The following CELF2 variants were observed in gnomAD, a reference collection of about 807,000 sequenced individuals.
CELF2 encodes the protein CUGBP Elav-like family member 2.
A neutral mutation model predicts 62.6 loss-of-function variants in CELF2; 8 were observed. The observed-to-expected ratio is 0.13, with a 90% CI of 0.07 to 0.23. The LOEUF is 0.23. CELF2 is among the 10% of genes least tolerant of loss of function. The probability of loss-of-function intolerance (pLI) is 1.00; values close to 1 mark genes in which losing one functional copy is unlikely to be tolerated. For missense variants in CELF2, 333 were observed against 671.0 expected, an observed-to-expected ratio of 0.50 and a Z score of 5.56; for synonymous variants, 258 against 250.0, an observed-to-expected ratio of 1.03 and a Z score of -0.30.
chr10:10,977,809 G>A (rs945716010), intron 2 of CELF2, among the ~76,000 whole-genome samples: 3 of 152,210 alleles, frequency 2.0e-5, no homozygotes, highest in Non-Finnish European at 4.4e-5. Context: ...CTTCACAGCT[G>A]TGTGGTTCTG....
intron 10 of CELF2, chr10:11,320,972 G>T: frequency 6.7e-7 from 1 of 1,496,868 alleles, no homozygotes. Context: ...TTGAATCACT[G>T]GCCTAGGGAG....
intron 1 of CELF2, among the ~76,000 whole-genome samples, chr10:10,826,178 A>C (rs1191940896): frequency 6.6e-6 from 1 of 152,220 alleles, no homozygotes; most frequent in Non-Finnish European, 1.5e-5. Context: ...GGGCAAAAAA[A>C]AAACAATCCT....
chr10:10,924,188 A>G (rs2065206016), intron 2 of CELF2: 1 of 144,314 alleles, frequency 6.9e-6, no homozygotes, highest in African/African-American at 2.5e-5. Flanking sequence ...AGGCTGAGGC[A>G]GGAGAATGGC....
At chr10:10,762,821 C>G in the CELF2 span, among the ~76,000 whole-genome samples, 2 of 152,152 alleles carry the variant, frequency 1.3e-5, no homozygotes, top group Admixed American at 1.3e-4. Flanking sequence ...GCAGGGGGAC[C>G]ACTTGAGCCC....
At chr10:10,965,393 A>T (rs1248127773) in intron 2 of CELF2, among the ~76,000 whole-genome samples, 1 of 152,160 alleles carries the variant, frequency 6.6e-6, no homozygotes, top group Non-Finnish European at 1.5e-5. Context: ...AAACAGCTTT[A>T]ATTGATCTGT....
At chr10:11,064,732 A>G (rs921616306) in intron 1 of CELF2, among the ~76,000 whole-genome samples, 3 of 152,186 alleles carry the variant, frequency 2.0e-5, no homozygotes, top group African/African-American at 7.2e-5. Context: ...CAGGAATAAA[A>G]GGCACATTCA....
chr10:10,693,590 C>T, the CELF2 span, among the ~76,000 whole-genome samples: 1 of 151,072 alleles, frequency 6.6e-6, no homozygotes, highest in African/African-American at 2.4e-5. Context: ...GGAATGGTAC[C>T]AGTTCCTCCT....
the CELF2 span, among the ~76,000 whole-genome samples, chr10:10,663,174 C>T: frequency 6.6e-6 from 1 of 152,178 alleles, no homozygotes; most frequent in East Asian, 1.9e-4. Context: ...CGTGCAGCAG[C>T]TGCTGTGTAC....
chr10:11,177,388 G>T lies in CELF2; in HGVS notation c.271+11706G>T, dbSNP rs2071587589. Among the ~76,000 whole-genome samples the T allele has an allele frequency of 6.7e-6, 1 of 149,720 alleles. No homozygotes were observed. The highest frequency in any genetic ancestry group is 6.7e-5 in the Admixed American group (1 of 14,952). ...TCAGGTTAGCTTACCTTGGGTGTTT[G>T]TATTTTGTTGGCTTATGTTTGCATG... On this transcript the variant is annotated intron_variant, in intron 2 of 12. Transcript: ENST00000633077. This position sits in a 1 kb window ranked among gnomAD's most constrained non-coding sequence, Gnocchi z 4.8.
the CELF2 span, among the ~76,000 whole-genome samples, chr10:10,558,836 G>T: frequency 6.6e-6 from 1 of 152,138 alleles, no homozygotes; most frequent in South Asian, 2.1e-4. Context: ...GGGGTTTATA[G>T]TATTCTCTGA....
At chr10:11,003,586 G>A (rs2054737893), upstream of CELF2, among the ~76,000 whole-genome samples, 1 of 151,964 alleles carries the variant, frequency 6.6e-6, no homozygotes, top group African/African-American at 2.4e-5. This position sits in a 1 kb window ranked among gnomAD's most constrained non-coding sequence, Gnocchi z 4.4. Context: ...AGCATTTGTT[G>A]CCCCCATTTA....
At chr10:10,953,205 G>A (rs1300549199) in intron 2 of CELF2, among the ~76,000 whole-genome samples, 1 of 152,142 alleles carries the variant, frequency 6.6e-6, no homozygotes, top group East Asian at 1.9e-4. Context: ...GAAAATCAAG[G>A]AGATAGGATG....
chr10:11,012,390 T>C lies in CELF2; in HGVS notation c.53+6950T>C, dbSNP rs2056606519. Among the ~76,000 whole-genome samples the C allele has an allele frequency of 6.6e-6, 1 of 152,194 alleles. No individual in the cohort carries two copies. The highest frequency in any genetic ancestry group is 1.5e-5 in the Non-Finnish European group (1 of 68,038). ...CTTAATCCTCACTCTTTTTTCAAGA[T>C]GTATTTGTTCAGAAAAAGGACAGAC... On this transcript the variant is annotated intron_variant, in intron 1 of 12. Coordinates refer to the CELF2 transcript ENST00000416382. The surrounding 1 kb of genome is among the most constrained non-coding windows in gnomAD (Gnocchi z 5.5).
chr10:11,041,627 G>A (rs2061868309), intron 1 of CELF2, among the ~76,000 whole-genome samples: 1 of 152,324 alleles, frequency 6.6e-6, no homozygotes, highest in South Asian at 2.1e-4. Context: ...CTCATTCGTA[G>A]TTTCTGATGA....
chr10:10,841,297 C>T (rs1245101434), intron 1 of CELF2, among the ~76,000 whole-genome samples: 1 of 149,016 alleles, frequency 6.7e-6, no homozygotes, highest in Non-Finnish European at 1.5e-5. Flanking sequence ...CTAAAAGGTC[C>T]AAATTGTCAA....
chr10:10,765,666 G>A, the CELF2 span, among the ~76,000 whole-genome samples: 1 of 152,192 alleles, frequency 6.6e-6, no homozygotes, highest in Non-Finnish European at 1.5e-5. Flanking sequence ...ACCGACTGCA[G>A]CTGGTCTTGA....
chr10:10,798,927 T>C (rs937308829), intron 1 of CELF2: 9 of 397,774 alleles, frequency 2.3e-5, no homozygotes, highest in Non-Finnish European at 4.0e-5. Context: ...ATGCACCTTG[T>C]GGGGTTCAGG....
At chr10:11,111,957 G>A (rs766143648) in intron 1 of CELF2, among the ~76,000 whole-genome samples, 26 of 152,284 alleles carry the variant, frequency 1.7e-4, no homozygotes, top group Non-Finnish European at 2.6e-4. Flanking sequence ...CTGTATGCTC[G>A]GCCTGGTTTT....
chr10:11,176,442 C>T (rs1373735965), intron 2 of CELF2, among the ~76,000 whole-genome samples: 1 of 152,162 alleles, frequency 6.6e-6, no homozygotes. Context: ...ATCCCCTTGG[C>T]ACCAAAGAGT....
Sources: allele counts gnomAD v4.1 joint callset (sites outside exome capture counted in the v4.1 genomes callset), GRCh38; gene constraint gnomAD v4.1.1; non-coding constraint Gnocchi (gnomAD v3.1); transcripts MANE v1.5; gene names NCBI Gene and HGNC (gene_info 2026-07-23, HGNC 2026-07-21).